DENND1B: variants seen among roughly 807,000 people sequenced by gnomAD.
The protein encoded by DENND1B is DENN domain-containing protein 1B.
Under a neutral mutation model 90.1 loss-of-function variants are expected in DENND1B, and 59 were observed. The ratio of observed to expected loss-of-function variants is 0.65; its 90% CI spans 0.53 to 0.81. The LOEUF (loss-of-function observed/expected upper bound fraction) is 0.81. DENND1B is among the 40% of genes least tolerant of loss of function. DENND1B has a pLI of 0.00. For synonymous variants in DENND1B, 337 were observed against 324.6 expected (o/e 1.04, Z -0.41); for missense variants, 862 against 912.6 (o/e 0.94, Z 0.71).
At chr1:197,591,258 T>C (rs1675175110) in intron 14 of DENND1B, among the ~76,000 whole-genome samples, 1 of 152,162 alleles carries the variant, frequency 6.6e-6, no homozygotes, top group Non-Finnish European at 1.5e-5. Flanking sequence ...CACTATAAGC[T>C]CCTGTGGGGA....
chr1:197,657,739 T>C (rs1232209824), intron 6 of DENND1B, among the ~76,000 whole-genome samples: 1 of 152,124 alleles, frequency 6.6e-6, no homozygotes, highest in East Asian at 1.9e-4. Context: ...TACCCAGTAA[T>C]TCCACTTTTA....
intron 20 of DENND1B, among the ~76,000 whole-genome samples, chr1:197,513,186 C>T (rs988065357): frequency 1.3e-5 from 2 of 149,396 alleles, no homozygotes; most frequent in African/African-American, 4.9e-5. Context: ...AAAAAAAAAA[C>T]CCAACAGATC....
At chr1:197,522,040 G>T (rs1038214596) in intron 20 of DENND1B, among the ~76,000 whole-genome samples, 1 of 151,946 alleles carries the variant, frequency 6.6e-6, no homozygotes, top group Non-Finnish European at 1.5e-5. Context: ...AGACCCAGAA[G>T]AAATAAATGT....
intron 10 of DENND1B, among the ~76,000 whole-genome samples, chr1:197,640,960 AT>A (rs1396352990): frequency 6.6e-6 from 1 of 152,174 alleles, no homozygotes; most frequent in Non-Finnish European, 1.5e-5. Flanking sequence ...AACAAACAAA[AT>A]ACTACCTCAT....
chr1:197,722,141 A>G (rs781404573), intron 2 of DENND1B, among the ~76,000 whole-genome samples: 1 of 152,152 alleles, frequency 6.6e-6, no homozygotes, highest in Non-Finnish European at 1.5e-5. Context: ...AATATGGACA[A>G]CAGAAAGACT....
At chr1:197,549,749 T>G (rs1671078847) in intron 16 of DENND1B, among the ~76,000 whole-genome samples, 1 of 152,132 alleles carries the variant, frequency 6.6e-6, no homozygotes, top group African/African-American at 2.4e-5. Flanking sequence ...AATTTTCCTT[T>G]TAAGTTAAGG....
intron 3 of DENND1B, among the ~76,000 whole-genome samples, chr1:197,699,635 GACA>G (rs938940193): frequency 5.1e-4 from 77 of 152,194 alleles, no homozygotes; most frequent in African/African-American, 1.6e-3. Context: ...TCTGTTTACA[GACA>G]ACATGATTTT....
chr1:197,675,265 A>G (rs1215625739), intron 3 of DENND1B, among the ~76,000 whole-genome samples: 1 of 152,126 alleles, frequency 6.6e-6, no homozygotes, highest in African/African-American at 2.4e-5. Context: ...GAATATTTAA[A>G]CCGTATACAT....
chr1:197,555,857 T>C (rs1449003726), intron 15 of DENND1B, among the ~76,000 whole-genome samples: 1 of 152,104 alleles, frequency 6.6e-6, no homozygotes, highest in African/African-American at 2.4e-5. Context: ...ATATTGGGTA[T>C]ATAGCCAAAG....
chr1:197,650,414 G>T (rs1652998140), intron 7 of DENND1B, among the ~76,000 whole-genome samples: 1 of 152,128 alleles, frequency 6.6e-6, no homozygotes, highest in African/African-American at 2.4e-5. Context: ...TACACTGCTG[G>T]TGGGAATGCA....
chr1:197,756,826 A>T (rs1376894044), intron 2 of DENND1B, among the ~76,000 whole-genome samples: 1 of 151,604 alleles, frequency 6.6e-6, no homozygotes, highest in Non-Finnish European at 1.5e-5. Flanking sequence ...AGAAAATACT[A>T]TGCCTGAAAG....
intron 2 of DENND1B, among the ~76,000 whole-genome samples, chr1:197,752,264 A>G (rs1653660477): frequency 6.6e-6 from 1 of 152,048 alleles, no homozygotes; most frequent in East Asian, 1.9e-4. Flanking sequence ...TTTTGTGCCA[A>G]TACCTTTCAC....
At chr1:197,734,590 G>A in intron 2 of DENND1B, 1 of 981,608 alleles carries the variant, frequency 1.0e-6, no homozygotes, top group Non-Finnish European at 1.2e-6. Flanking sequence ...TTTCAAAATT[G>A]ACTGCAATAC....
At chr1:197,536,036 G>C (rs1181469625) in intron 20 of DENND1B, among the ~76,000 whole-genome samples, 1 of 151,582 alleles carries the variant, frequency 6.6e-6, no homozygotes, top group African/African-American at 2.4e-5. Flanking sequence ...GGATGGGAGA[G>C]GGAGGAAGAT....
chr1:197,772,820 C>CAA, intron 2 of DENND1B, 48 bp downstream of exon 2: 2 of 1,422,936 alleles, frequency 1.4e-6, no homozygotes, highest in South Asian at 1.3e-5. Flanking sequence ...AGATCTTGTC[C>CAA]CAAAAAAAAG....
chr1:197,694,213 TA>T (rs149995813), intron 3 of DENND1B, among the ~76,000 whole-genome samples: 5 of 150,010 alleles, frequency 3.3e-5, no homozygotes, highest in Non-Finnish European at 3.0e-5. Context: ...CTTATTTTGC[TA>T]AAAAAAAATT....
intron 2 of DENND1B, among the ~76,000 whole-genome samples, chr1:197,717,484 A>G (rs990668114): frequency 2.6e-5 from 4 of 151,980 alleles, no homozygotes; most frequent in Admixed American, 6.6e-5. Context: ...TACTGCCAAC[A>G]TTCTAGAAAC....
At chr1:197,565,316 A>C (rs1672536434) in intron 15 of DENND1B, among the ~76,000 whole-genome samples, 1 of 152,026 alleles carries the variant, frequency 6.6e-6, no homozygotes, top group Admixed American at 6.6e-5. Flanking sequence ...ATGTCAGGGA[A>C]AGTAGATCAC....
intron 3 of DENND1B, among the ~76,000 whole-genome samples, chr1:197,703,859 T>A (rs1376745032): frequency 6.6e-6 from 1 of 152,168 alleles, no homozygotes; most frequent in Non-Finnish European, 1.5e-5. Context: ...CCTCCTCTCT[T>A]CACTCACATA....
Sources: allele counts gnomAD v4.1 joint callset (sites outside exome capture counted in the v4.1 genomes callset), GRCh38; gene constraint gnomAD v4.1.1; transcripts MANE v1.5; gene names NCBI Gene and HGNC (gene_info 2026-07-23, HGNC 2026-07-21).